Variants in ESPNL observed in about 807,000 individuals in gnomAD.
ESPNL encodes espin-like protein.
In ESPNL, 49 loss-of-function variants were observed where a neutral mutation model predicts 46.8. The ratio of observed to expected loss-of-function variants is 1.05; its 90% CI spans 0.83 to 1.33. ESPNL has a LOEUF of 1.33. Among genes scored for constraint, ESPNL ranks in the 40% most tolerant of loss-of-function variants. The probability of loss-of-function intolerance (pLI) is 0.00; values close to 1 mark genes in which losing one functional copy is unlikely to be tolerated. For missense variants in ESPNL, 1,540 were observed against 1,436.6 expected, an observed-to-expected ratio of 1.07 and a Z score of -1.16; for synonymous variants, 664 against 662.1, an observed-to-expected ratio of 1.00 and a Z score of -0.04.
chr2:238,127,495 G>C, intron 6 of ESPNL, 127 bp from the exon 7 acceptor site: 2 of 1,419,318 alleles, frequency 1.4e-6, no homozygotes, highest in South Asian at 3.1e-5. Context: ...AGGGTGGGCT[G>C]GGGTCAGCTC....
Position 238,130,516 on chromosome 2 carries a change from G to C in ESPNL, c.1802G>C (p.Arg601Pro). The change falls in exon 9 of 9, where the codon CGC (arginine) becomes CCC (proline). Residue 601 changes from arginine (R) to proline (P), a missense_variant. Transcript: ENST00000343063. ...TGCAGCCACATCTCCCGCCTGGTAC[G>C]CAGCCTGTCCCTGCTGCTGAAGGGC... ...FWCSHISRLV[R>P]SLSLLLKGVH... The C allele has an allele frequency of 6.3e-7, 1 of 1,597,564 alleles. No homozygotes were observed. The highest frequency in any genetic ancestry group is 1.1e-5 in the South Asian group (1 of 88,768).
chr2:238,121,325 C>T (rs1691983901), intron 5 of ESPNL, among the ~76,000 whole-genome samples: 2 of 152,228 alleles, frequency 1.3e-5, no homozygotes, highest in South Asian at 4.1e-4. Flanking sequence ...GTGTCCAGGG[C>T]TGTCCCACTC....
rs779266783 is a variant in ESPNL, at chr2:238,131,449, G to A, written c.2735G>A (p.Arg912His). The A allele has an allele frequency of 6.8e-6, 11 of 1,609,828 alleles. No individual in the cohort carries two copies. The highest frequency in any genetic ancestry group is 2.7e-5 in the African/African-American group (2 of 74,848). The change falls in exon 9 of 9, where the codon CGC (arginine) becomes CAC (histidine). Residue 912 changes from arginine (R) to histidine (H), a missense_variant. Transcript: ENST00000343063. ...KAVTDEVAAG[R>H]RAWTDGFEDI... is the part of the protein sequence containing the mutation. ...GTGACCGACGAGGTGGCCGCCGGCC[G>A]CCGGGCCTGGACCGACGGCTTCGAG...
intron 6 of ESPNL, 90 bp downstream of exon 6, chr2:238,125,474 C>A (rs1692085123): frequency 1.4e-6 from 1 of 707,314 alleles, no homozygotes; most frequent in Non-Finnish European, 2.1e-6. Context: ...GACCGGTGGG[C>A]AAGTCTGCGG....
intron 4 of ESPNL, among the ~76,000 whole-genome samples, chr2:238,110,949 C>CTTTTTTTTTTTT (rs5839686): frequency 2.7e-5 from 3 of 111,002 alleles, no homozygotes; most frequent in African/African-American, 3.3e-5. Context: ...ATTAGTTATT[C>CTTTTTTTTTTTT]TTTTTTTTTT....
intron 5 of ESPNL, among the ~76,000 whole-genome samples, chr2:238,118,781 A>AATG (rs1559263577): frequency 4.1e-3 from 62 of 15,120 alleles, no homozygotes; most frequent in African/African-American, 0.014. Context: ...GGAGGAGGGG[A>AATG]GATGGAGGAG....
In ESPNL at chr2:238,131,850, T is replaced by C; in HGVS notation, c.*118T>C. 8.8e-7 allele frequency: 1 copy of C among 1,137,492 alleles called. No homozygotes were observed. Among genetic ancestry groups the C allele is most frequent in the Non-Finnish European group, 1.3e-6 (1 of 792,488 alleles). 70.5% of individuals were successfully genotyped at this position (1,137,492 alleles called of 1,614,324 possible). A position where few individuals can be genotyped will look rare whatever the true frequency, so the allele number is the denominator to read the frequency against. On this transcript the variant is annotated 3_prime_UTR_variant, in exon 9 of 9. Transcript: ENST00000343063. ...AGCCGGGCAAGGCTGCCTCCAGTCC[T>C]ACCAGTTATCGGAGGCTGCGGGACT...
At chr2:238,126,952 A>ATG (rs1692145534) in intron 6 of ESPNL, among the ~76,000 whole-genome samples, 11 of 33,650 alleles carry the variant, frequency 3.3e-4, no homozygotes, top group Non-Finnish European at 4.6e-4. Context: ...TGTCACTGTT[A>ATG]TTGTGTGTCT....
intron 5 of ESPNL, among the ~76,000 whole-genome samples, chr2:238,122,697 AG>A (rs1195867513): frequency 1.3e-5 from 2 of 152,164 alleles, no homozygotes; most frequent in African/African-American, 4.8e-5. Context: ...GTTCCATCTC[AG>A]GGAGGGGGCT....
At chr2:238,103,859 C>A (rs1691538697) in intron 2 of ESPNL, among the ~76,000 whole-genome samples, 1 of 152,164 alleles carries the variant, frequency 6.6e-6, no homozygotes, top group Non-Finnish European at 1.5e-5. Context: ...GTCCCCCTTG[C>A]TAGGAGCAGG....
chr2:238,119,469 AATG>A, intron 5 of ESPNL, among the ~76,000 whole-genome samples: 1 of 66,208 alleles, frequency 1.5e-5, no homozygotes. Context: ...ATGAAGGAGG[AATG>A]GATGGAGGAG....
Position 238,128,688 on chromosome 2 carries a change from C to T in ESPNL, c.1216-19C>T. 1 of 1,583,458 alleles carries T rather than the reference C, an allele frequency of 6.3e-7. No homozygotes were observed. Among genetic ancestry groups the T allele is most frequent in the Non-Finnish European group, 8.6e-7 (1 of 1,165,080 alleles). Reference sequence around the variant, plus strand: ...CTGGGTCCCCTTCGGGCCTGTGTGACCCACCCCCTTCTGCACAGGGGACAG... The same window carrying T: ...CTGGGTCCCCTTCGGGCCTGTGTGATCCACCCCCTTCTGCACAGGGGACAG... On this transcript the variant is annotated intron_variant, in intron 7 of 8. Coordinates refer to ENST00000343063, the MANE Select transcript of ESPNL (RefSeq NM_194312.4).
intron 6 of ESPNL, among the ~76,000 whole-genome samples, chr2:238,126,634 CTG>C (rs201751150): frequency 0.023 from 3,253 of 139,230 alleles, 92 homozygotes; most frequent in African/African-American, 0.081. Context: ...TGTGTCTGTT[CTG>C]TGTTTCTGTG....
intron 4 of ESPNL, among the ~76,000 whole-genome samples, chr2:238,115,143 C>G (rs930008467): frequency 6.6e-6 from 1 of 152,170 alleles, no homozygotes; most frequent in African/African-American, 2.4e-5. Flanking sequence ...ACTGGTCTTT[C>G]GGACCTGCAG....
chr2:238,131,221 C>T lies in ESPNL; in HGVS notation c.2507C>T (p.Pro836Leu). 6.4e-7 allele frequency: 1 copy of T among 1,552,894 alleles called. No homozygotes were observed. Among genetic ancestry groups the T allele is most frequent in the South Asian group, 1.2e-5 (1 of 84,676 alleles). Residue 836 changes from proline (P) to leucine (L), a missense_variant, in exon 9 of 9, where the codon CCC (proline) becomes CTC (leucine). By Grantham distance (98) the Pro-to-Leu change is moderately conservative (BLOSUM62 -3). Coordinates refer to ENST00000343063, the MANE Select transcript of ESPNL (RefSeq NM_194312.4). ...CGGCAGCCCCGCGGGGCTTTGTCCCCCGAGCAGTTCCTGCCCCACGTGGAC... is the reference window on the plus strand; with the variant it reads ...CGGCAGCCCCGCGGGGCTTTGTCCCTCGAGCAGTTCCTGCCCCACGTGGAC... ...LSRQPRGALSPEQFLPHVDGA... is the reference protein window; with the variant it reads ...LSRQPRGALSLEQFLPHVDGA...
At position 238,130,380 on chromosome 2, in the gene ESPNL, C is replaced by T. The variant is rs1692275254; in HGVS notation, c.1666C>T (p.Pro556Ser). 1 of 1,610,770 alleles carries T rather than the reference C, an allele frequency of 6.2e-7. No individual in the cohort carries two copies. Among genetic ancestry groups the T allele is most frequent in the Non-Finnish European group, 8.5e-7 (1 of 1,179,170 alleles). ...VSITVNSHFL[P>S]RAPGLEVEEA... ...CATCACGGTCAACAGCCACTTCCTG[C>T]CCCGGGCGCCCGGACTGGAGGTTGA... The change falls in exon 9 of 9, where the codon CCC (proline) becomes TCC (serine). Residue 556 changes from proline (P) to serine (S), a missense_variant. Pro to Ser is a moderately conservative substitution (Grantham distance 74, BLOSUM62 -1). Transcript: ENST00000343063.
chr2:238,128,587 C>T (rs1692195870), intron 7 of ESPNL, 120 bp from the exon 8 acceptor site: 4 of 920,874 alleles, frequency 4.3e-6, no homozygotes, highest in Non-Finnish European at 6.5e-6. Flanking sequence ...TGTCCCTCCT[C>T]TCAGGGCGCC....
chr2:238,102,022 G>C lies in ESPNL; in HGVS notation c.376G>C (p.Glu126Gln). ...AGTGCTGGTGGAGTGGCTGCTCCACGAGGGCCACTCGGCCACGCTAGAGAC... is the reference window on the plus strand; with the variant it reads ...AGTGCTGGTGGAGTGGCTGCTCCACCAGGGCCACTCGGCCACGCTAGAGAC... The part of the protein sequence containing the change: ...HPVLVEWLLH[E>Q]GHSATLETRE... The change falls in exon 2 of 9, where the codon GAG (glutamate) becomes CAG (glutamine). Residue 126 changes from glutamate (E) to glutamine (Q), a missense_variant. Transcript: ENST00000343063. The C allele has an allele frequency of 6.2e-7, 1 of 1,606,974 alleles. No homozygotes were observed. The highest frequency in any genetic ancestry group is 8.5e-7 in the Non-Finnish European group (1 of 1,177,936).
rs776557464 is a variant in ESPNL at position 238,130,532 on chromosome 2, G to A, written c.1818G>A (p.Leu606=). Reference sequence around the variant, plus strand: ...GCCTGGTACGCAGCCTGTCCCTGCTGCTGAAGGGCGTGCATGGGCTAGTAC... The same window carrying A: ...GCCTGGTACGCAGCCTGTCCCTGCTACTGAAGGGCGTGCATGGGCTAGTAC... ...ISRLVRSLSL[L]LKGVHGLVQG... is the part of the protein sequence containing the mutation. The change falls in exon 9 of 9, where the codon CTG becomes CTA. Residue 606 remains leucine, a synonymous_variant. Transcript: ENST00000343063. 1.3e-6 allele frequency: 2 copies of A among 1,593,368 alleles called. No homozygotes were observed. The highest frequency in any genetic ancestry group is 4.5e-5 in the East Asian group (2 of 44,192).
Sources: gnomAD v4.1 joint callset for allele counts (sites outside exome capture counted in the v4.1 genomes callset) on GRCh38, gnomAD v4.1.1 for gene constraint, MANE v1.5 for transcripts, NCBI Gene and HGNC (gene_info 2026-07-23, HGNC 2026-07-21) for gene names.